Variants in BCR observed in about 807,000 individuals in gnomAD.
BCR encodes BCR activator of RhoGEF and GTPase, also known as breakpoint cluster region protein.
In BCR, 58 loss-of-function variants were observed where a neutral mutation model predicts 138.6. The observed-to-expected ratio is 0.42, with a 90% CI of 0.34 to 0.52. The LOEUF (loss-of-function observed/expected upper bound fraction) is 0.52. Ranked by LOEUF, BCR falls within the 20% of genes least tolerant of loss-of-function variation. The pLI is 0.06. For synonymous variants in BCR, 786 were observed against 730.1 expected (o/e 1.08, Z -1.23); for missense variants, 1,599 against 1,727.2 (o/e 0.93, Z 1.32).
chr22:23,214,748 A>G (rs1296192571), intron 1 of BCR, among the ~76,000 whole-genome samples: 2 of 152,216 alleles, frequency 1.3e-5, no homozygotes, highest in South Asian at 4.1e-4. Flanking sequence ...GCATTGTCCA[A>G]ACCTGCATTT....
At chr22:23,211,194 TTTTA>T (rs1292158461) in intron 1 of BCR, among the ~76,000 whole-genome samples, 1 of 152,162 alleles carries the variant, frequency 6.6e-6, no homozygotes, top group African/African-American at 2.4e-5. Flanking sequence ...GAGCTTCTTT[TTTTA>T]TTTGTTTGTT....
Position 23,292,775 on chromosome 22 carries a change from G to A in BCR, c.2880+137G>A, listed in dbSNP as rs1309321738. The stretch of plus-strand genomic sequence containing the variant: ...TGCTGCTGAATTCCAGGAATCTCCT[G>A]GGGGGCCAGTAGGTGACGTGTCCAA... On this transcript the variant is annotated intron_variant, in intron 15 of 22. Coordinates refer to ENST00000305877, the MANE Select transcript of BCR (RefSeq NM_004327.4). 5 of 661,368 alleles carry A rather than the reference G, an allele frequency of 7.6e-6. No individual in the cohort carries two copies. The East Asian group carries it at 8.8e-5, about 12-fold the overall frequency. 41.0% of individuals were successfully genotyped at this position (661,368 alleles called of 1,614,324 possible). A position where few individuals can be genotyped will look rare whatever the true frequency, so the allele number is the denominator to read the frequency against.
At chr22:23,253,619 T>C (rs968163286) in intron 1 of BCR, among the ~76,000 whole-genome samples, 180 bp from the exon 2 acceptor site, 5 of 152,010 alleles carry the variant, frequency 3.3e-5, no homozygotes, top group Non-Finnish European at 7.4e-5. Flanking sequence ...CTCATGTTCA[T>C]CCCCCCTCAC....
chr22:23,217,410 T>C (rs2072768458), intron 1 of BCR, among the ~76,000 whole-genome samples: 1 of 152,234 alleles, frequency 6.6e-6, no homozygotes. Flanking sequence ...ACCTTCAAGC[T>C]CTGGTGCTCT....
intron 1 of BCR, among the ~76,000 whole-genome samples, chr22:23,193,918 T>C (rs2072445767): frequency 6.6e-6 from 1 of 152,222 alleles, no homozygotes; most frequent in South Asian, 2.1e-4. Flanking sequence ...TGTCCCACAG[T>C]CCTTCCCAGT....
intron 12 of BCR, 53 bp from the exon 13 acceptor site, chr22:23,289,464 G>A: frequency 6.8e-7 from 1 of 1,478,976 alleles, no homozygotes. Flanking sequence ...GGAGGGGCCA[G>A]AGGGCCAAGG....
chr22:23,242,254 A>G (rs80233084), intron 1 of BCR, among the ~76,000 whole-genome samples: 10,794 of 152,128 alleles, frequency 0.071, 580 homozygotes, highest in East Asian at 0.19. Context: ...AGTCACTGGG[A>G]GATATATGAG....
Position 23,181,099 on chromosome 22 carries a change from CA to C in BCR, c.140del (p.Gln47ArgfsTer3). 6.6e-7 allele frequency: 1 copy of C among 1,510,834 alleles called. No individual in the cohort carries two copies. 93.6% of individuals were successfully genotyped at this position (1,510,834 alleles called of 1,614,324 possible). A position where few individuals can be genotyped will look rare whatever the true frequency, so the allele number is the denominator to read the frequency against. ...CAAGGCCTCCATTCGGCGCCTGGAG[CA>C]GGAGGTGAACCAGGAGCGCTTCCGC... ...RCKASIRRLEQEVNQERFRMI... is the reference protein window; with the variant it reads ...RCKASIRRLEXEVNQERFRMI... On this transcript the variant is annotated frameshift_variant, in exon 1 of 23. Transcript: ENST00000305877. LOFTEE classifies it high-confidence loss of function.
intron 1 of BCR, among the ~76,000 whole-genome samples, chr22:23,232,795 T>C (rs1293974160): frequency 1.3e-5 from 2 of 152,206 alleles, no homozygotes; most frequent in African/African-American, 4.8e-5. Flanking sequence ...GAAGGCCTTA[T>C]TTACAAACCA....
In BCR at chr22:23,309,326, T is replaced by C. The variant is rs2073983140; in HGVS notation, c.3013-98T>C. 3.7e-5 allele frequency: 39 copies of C among 1,042,184 alleles called. 2 individuals carry two copies. In the South Asian group the frequency reaches 4.9e-4, roughly 13 times the overall value. The allele number at this position is 1,042,184 out of a possible 1,614,324, so 64.6% of individuals were successfully genotyped here. A position where few individuals can be genotyped will look rare whatever the true frequency, so the allele number is the denominator to read the frequency against. ...GCTGGCCGCAGTCGGGCTCTGCCTC[T>C]GACTAAGGGTTGGGGAAGTGGCGGG... On this transcript the variant is annotated intron_variant, in intron 16 of 22. Transcript: ENST00000305877.
chr22:23,297,645 A>G (rs1265751808), intron 16 of BCR, among the ~76,000 whole-genome samples: 1 of 152,098 alleles, frequency 6.6e-6, no homozygotes, highest in East Asian at 1.9e-4. Context: ...GCCCAGGGAT[A>G]CTCACAGCCT....
At chr22:23,293,559 G>C (rs1359045060) in intron 15 of BCR, among the ~76,000 whole-genome samples, 1 of 152,136 alleles carries the variant, frequency 6.6e-6, no homozygotes, top group African/African-American at 2.4e-5. Context: ...GTGATGAGAG[G>C]GGGTATAAGA....
At chr22:23,212,775 T>G (rs571026307) in intron 1 of BCR, among the ~76,000 whole-genome samples, 1 of 152,266 alleles carries the variant, frequency 6.6e-6, no homozygotes, top group Non-Finnish European at 1.5e-5. Context: ...TGTCCGTTGG[T>G]TTGTTTTCTC....
chr22:23,289,496 A>G lies in BCR; in HGVS notation c.2603-21A>G, dbSNP rs374524699. ...AAGGAGCAGATTGACCAATTGGTGC[A>G]CCTCTTTTCCAACCTCCCAGGTTTC... On this transcript the variant is annotated intron_variant, in intron 12 of 22. Coordinates refer to ENST00000305877, the MANE Select transcript of BCR (RefSeq NM_004327.4). 9.4e-6 allele frequency: 15 copies of G among 1,599,924 alleles called. No individual in the cohort carries two copies. In the African/African-American group the frequency reaches 2.0e-4, roughly 21 times the overall value.
chr22:23,195,282 T>A (rs1165437634), intron 1 of BCR, among the ~76,000 whole-genome samples: 1 of 151,978 alleles, frequency 6.6e-6, no homozygotes, highest in Non-Finnish European at 1.5e-5. Flanking sequence ...TAGCTGGGCA[T>A]GGTGGCACAT....
chr22:23,203,254 C>A (rs78267378), intron 1 of BCR, among the ~76,000 whole-genome samples: 10,378 of 152,206 alleles, frequency 0.068, 1,202 homozygotes, highest in African/African-American at 0.23. Context: ...GGTCTTAAGA[C>A]CCTTGATGGC....
intron 8 of BCR, among the ~76,000 whole-genome samples, chr22:23,276,601 A>G (rs2073579373): frequency 6.6e-6 from 1 of 152,216 alleles, no homozygotes; most frequent in Non-Finnish European, 1.5e-5. Flanking sequence ...CCCTTCACTC[A>G]GAGCTTTCTA....
At chr22:23,307,560 G>A (rs2073963519) in intron 16 of BCR, 1 of 151,340 alleles carries the variant, frequency 6.6e-6, no homozygotes, top group Non-Finnish European at 1.5e-5. Flanking sequence ...ACCGCTCCCT[G>A]CTCACAGATG....
At chr22:23,248,676 C>G (rs926723186) in intron 1 of BCR, among the ~76,000 whole-genome samples, 1 of 152,166 alleles carries the variant, frequency 6.6e-6, no homozygotes, top group Non-Finnish European at 1.5e-5. Context: ...CCACACCAAC[C>G]CTGGGCTGTC....
Sources: gnomAD v4.1 joint callset for allele counts (sites outside exome capture counted in the v4.1 genomes callset) on GRCh38, gnomAD v4.1.1 for gene constraint, MANE v1.5 for transcripts, NCBI Gene and HGNC (gene_info 2026-07-23, HGNC 2026-07-21) for gene names.